CEMIP2: variants seen among roughly 807,000 people sequenced by gnomAD.
CEMIP2 encodes cell migration inducing hyaluronidase 2, also known as cell surface hyaluronidase CEMIP2.
CEMIP2 carries 79 observed loss-of-function variants against 146.9 expected under a neutral mutation model. The observed-to-expected ratio is 0.54, with a 90% confidence interval of 0.45 to 0.65. The LOEUF is 0.65. Ranked by LOEUF, CEMIP2 falls within the 30% of genes least tolerant of loss-of-function variation. The probability of loss-of-function intolerance (pLI) is 0.00; values close to 1 mark genes in which losing one functional copy is unlikely to be tolerated. For synonymous variants in CEMIP2, 601 were observed against 606.3 expected (o/e 0.99, Z 0.13); for missense variants, 1,596 against 1,696.2 (o/e 0.94, Z 1.04).
At position 71,740,168 on chromosome 9, in the gene CEMIP2, T is replaced by A; in HGVS notation, c.1099A>T (p.Asn367Tyr). 6.2e-7 allele frequency: 1 copy of A among 1,614,046 alleles called. No homozygotes were observed. Residue 367 changes from asparagine (N) to tyrosine (Y), a missense_variant, in exon 5 of 24, where the codon AAC (asparagine) becomes TAC (tyrosine). Coordinates refer to ENST00000377044, the MANE Select transcript of CEMIP2 (RefSeq NM_013390.3). The part of the protein sequence containing the change: ...GSTSCNESVR[N>Y]YENHSSGGKA... ...CCGCCACTGCTATGATTTTCATAGT[T>A]TCTCACGGATTCATTGCAAGAAGTG...
At chr9:71,764,919 C>CTT (rs397933000) in intron 1 of CEMIP2, among the ~76,000 whole-genome samples, 64 of 144,838 alleles carry the variant, frequency 4.4e-4, no homozygotes, top group Middle Eastern at 3.7e-3. Flanking sequence ...GCTTTTCTTC[C>CTT]TTTTTTTTTT....
At chr9:71,749,882 T>C (rs1164799973) in intron 2 of CEMIP2, 161 bp downstream of exon 2, 3 of 605,392 alleles carry the variant, frequency 5.0e-6, no homozygotes, top group African/African-American at 1.9e-5. Flanking sequence ...CAACAGATTA[T>C]TGAACAATTG....
chr9:71,757,907 G>C (rs1285763368), intron 1 of CEMIP2, among the ~76,000 whole-genome samples: 1 of 152,128 alleles, frequency 6.6e-6, no homozygotes, highest in African/African-American at 2.4e-5. Context: ...AGACTTTTTA[G>C]GTCCTCTAAT....
chr9:71,697,221 A>C (rs7861216), intron 20 of CEMIP2, among the ~76,000 whole-genome samples: 25,346 of 152,194 alleles, frequency 0.17, 2,498 homozygotes, highest in East Asian at 0.35. Flanking sequence ...TCACACTTTG[A>C]GAACCATTTC....
rs375436459 is a variant in CEMIP2 at position 71,701,106 on chromosome 9, TTTG to T, written c.3195-285_3195-283del. ...TTACAATTTTTTTTGTTTTTGTTTT[TTTG>T]TTGTTGTTGTTTTTGAGATGGAGTC... On this transcript the variant is annotated intron_variant, in intron 18 of 23. Transcript: ENST00000377044. Among the ~76,000 whole-genome samples the T allele has an allele frequency of 1.2e-3, 178 of 152,292 alleles. 2 individuals are homozygous for T. The highest frequency in any genetic ancestry group is 3.8e-3 in the African/African-American group (158 of 41,546).
chr9:71,715,119 A>G (rs1318171606), intron 14 of CEMIP2, 30 bp from the exon 15 acceptor site: 10 of 1,605,136 alleles, frequency 6.2e-6, no homozygotes, highest in Admixed American at 3.4e-5. Flanking sequence ...CATTAGCTAC[A>G]TTTCTCCAGA....
chr9:71,720,567 C>T (rs1823205228), intron 12 of CEMIP2, among the ~76,000 whole-genome samples: 1 of 152,228 alleles, frequency 6.6e-6, no homozygotes, highest in South Asian at 2.1e-4. Context: ...GCTGGGATTA[C>T]AAGCCTGAGC....
intron 7 of CEMIP2, among the ~76,000 whole-genome samples, chr9:71,732,046 A>T (rs751818967): frequency 2.6e-5 from 4 of 152,092 alleles, no homozygotes; most frequent in African/African-American, 4.8e-5. Context: ...ATGGATACCA[A>T]CCAAGAGCCT....
At chr9:71,693,017 G>C (rs1822279012) in intron 21 of CEMIP2, among the ~76,000 whole-genome samples, 1 of 152,188 alleles carries the variant, frequency 6.6e-6, no homozygotes, top group African/African-American at 2.4e-5. Context: ...AAGTTCCGGA[G>C]CTGGATGGTA....
At chr9:71,698,249 A>G (rs1178590129) in intron 19 of CEMIP2, 45 bp from the exon 20 acceptor site, 14 of 1,556,312 alleles carry the variant, frequency 9.0e-6, no homozygotes, top group Middle Eastern at 1.7e-4. Flanking sequence ...CTTATTCTCA[A>G]AAACTTACAA....
intron 7 of CEMIP2, among the ~76,000 whole-genome samples, chr9:71,731,495 A>G (rs1354500668): frequency 6.6e-6 from 1 of 152,186 alleles, no homozygotes; most frequent in Non-Finnish European, 1.5e-5. Context: ...TTGGGAGGCC[A>G]AGGTGGGCAA....
rs1822918534 is a variant in CEMIP2, at chr9:71,711,980, C to T, written c.2769+103G>A. 8.6e-6 allele frequency: 11 copies of T among 1,277,128 alleles called. No individual in the cohort carries two copies. The South Asian group carries it at 8.6e-5, about 10-fold the overall frequency. 79.1% of individuals were successfully genotyped at this position (1,277,128 alleles called of 1,614,324 possible). A position where few individuals can be genotyped will look rare whatever the true frequency, so the allele number is the denominator to read the frequency against. ...CTCTGTGTGTATGTCTCCTCCCACTCGTACAGACTCGGTGCAAATCCTTTG... is the reference window on the plus strand; with the variant it reads ...CTCTGTGTGTATGTCTCCTCCCACTTGTACAGACTCGGTGCAAATCCTTTG... On this transcript the variant is annotated intron_variant, in intron 16 of 23. Coordinates refer to ENST00000377044, the MANE Select transcript of CEMIP2 (RefSeq NM_013390.3).
intron 16 of CEMIP2, among the ~76,000 whole-genome samples, chr9:71,710,811 C>T (rs901654341): frequency 2.0e-5 from 3 of 152,166 alleles, no homozygotes; most frequent in African/African-American, 7.2e-5. Context: ...CCTAGTCCTA[C>T]CCATCCCCTG....
Position 71,725,718 on chromosome 9 carries a change from GA to G in CEMIP2, c.2050-10del. The G allele has an allele frequency of 6.2e-7, 1 of 1,611,040 alleles. No homozygotes were observed. Among genetic ancestry groups the G allele is most frequent in the Non-Finnish European group, 8.5e-7 (1 of 1,178,826 alleles). ...TACCATATTCCAGCATCCTACAAAT[GA>G]AAGGACAAGCCCATTAAAAGCCTAA... On this transcript the variant is annotated splice_polypyrimidine_tract_variant and intron_variant, in intron 10 of 23. Coordinates refer to ENST00000377044, the MANE Select transcript of CEMIP2 (RefSeq NM_013390.3).
rs906033823 is a variant in CEMIP2, at chr9:71,689,774, C to T, written c.3851+318G>A. On this transcript the variant is annotated intron_variant, in intron 22 of 23. Coordinates refer to ENST00000377044, the MANE Select transcript of CEMIP2 (RefSeq NM_013390.3). ...GTATAATGCTCTGATATTTGTTTTA[C>T]GAAACTCAAAAAATAAATAAAATAA... is the stretch of plus-strand genomic sequence containing the variant. Among the ~76,000 whole-genome samples, 5 of 152,024 alleles carry T rather than the reference C, an allele frequency of 3.3e-5. 1 individual carries two copies. Among genetic ancestry groups the T allele is most frequent in the South Asian group, 2.1e-4 (1 of 4,824 alleles).
Position 71,732,596 on chromosome 9 carries a change from C to T in CEMIP2, c.1394-76G>A, listed in dbSNP as rs576678804. On this transcript the variant is annotated intron_variant, in intron 6 of 23. Transcript: ENST00000377044. ...GAAACTCACTTCAAAAAGACATTCT[C>T]TTCATTCCATAACCCCAAGATGATC... 7.4e-6 allele frequency: 10 copies of T among 1,349,126 alleles called. No homozygotes were observed. The African/African-American group carries it at 1.0e-4, about 14-fold the overall frequency. 83.6% of individuals were successfully genotyped at this position (1,349,126 alleles called of 1,614,324 possible). A position where few individuals can be genotyped will look rare whatever the true frequency, so the allele number is the denominator to read the frequency against.
chr9:71,693,991 A>C (rs1207443212), intron 21 of CEMIP2, among the ~76,000 whole-genome samples: 1 of 152,230 alleles, frequency 6.6e-6, no homozygotes, highest in African/African-American at 2.4e-5. Flanking sequence ...GGACGCAGTA[A>C]GAAGGCACCA....
rs1822457125 is a variant in CEMIP2, at chr9:71,698,197, A to G, written c.3385T>C (p.Phe1129Leu). ...TGGCTTTTGGCTTTGAGATACAAAA[A>G]CAGTAACCTGCACAAAACAGAAACC... ...FYFDSSTGLLFLYLKAKSHRH... is the reference protein window; with the variant it reads ...FYFDSSTGLLLLYLKAKSHRH... Residue 1129 changes from phenylalanine to leucine, a missense_variant, in exon 20 of 24, where the codon TTT (phenylalanine) becomes CTT (leucine). Phe to Leu is a conservative substitution (Grantham distance 22). Coordinates refer to ENST00000377044, the MANE Select transcript of CEMIP2 (RefSeq NM_013390.3). 3 of 1,614,080 alleles carry G rather than the reference A, an allele frequency of 1.9e-6. No homozygotes were observed. The highest frequency in any genetic ancestry group is 2.7e-5 in the African/African-American group (2 of 75,054).
intron 20 of CEMIP2, among the ~76,000 whole-genome samples, chr9:71,695,272 G>A (rs1302879172): frequency 6.6e-6 from 1 of 152,022 alleles, no homozygotes; most frequent in South Asian, 2.1e-4. Flanking sequence ...TCCAAAACCT[G>A]TCTCCTCCCT....
Sources: allele counts gnomAD v4.1 joint callset (sites outside exome capture counted in the v4.1 genomes callset), GRCh38; gene constraint gnomAD v4.1.1; transcripts MANE v1.5; gene names NCBI Gene and HGNC (gene_info 2026-07-23, HGNC 2026-07-21).